The following KIF21A variants were observed in gnomAD, a reference collection of about 807,000 sequenced individuals.
The protein encoded by KIF21A is kinesin family member 21A.
KIF21A carries 114 observed loss-of-function variants against 202.9 expected under a neutral mutation model. The ratio of observed to expected loss-of-function variants is 0.56; its 90% confidence interval spans 0.48 to 0.66. The LOEUF (loss-of-function observed/expected upper bound fraction) is 0.66. Among genes scored for constraint, KIF21A ranks in the 30% least tolerant of loss-of-function variants. The pLI is 0.00. For missense variants in KIF21A, 1,677 were observed against 1,994.9 expected (o/e 0.84, Z 3.04); for synonymous variants, 667 against 670.8 (o/e 0.99, Z 0.09).
intron 1 of KIF21A, among the ~76,000 whole-genome samples, chr12:39,376,905 A>G (rs1950304955): frequency 6.6e-6 from 1 of 152,214 alleles, no homozygotes; most frequent in Non-Finnish European, 1.5e-5. Flanking sequence ...GAGGAATAAC[A>G]TACAACATGT....
chr12:39,429,317 T>A (rs1200653732), intron 1 of KIF21A, among the ~76,000 whole-genome samples: 1 of 152,178 alleles, frequency 6.6e-6, no homozygotes, highest in Non-Finnish European at 1.5e-5. Flanking sequence ...ATCATCTCAG[T>A]CTTAACTTTC....
intron 1 of KIF21A, among the ~76,000 whole-genome samples, chr12:39,374,971 C>T (rs1175266690): frequency 6.6e-6 from 1 of 152,172 alleles, no homozygotes; most frequent in African/African-American, 2.4e-5. Context: ...TTATTCCTAT[C>T]GTATAACAAA....
intron 1 of KIF21A, among the ~76,000 whole-genome samples, chr12:39,434,895 G>A (rs1295226314): frequency 6.6e-6 from 1 of 152,108 alleles, no homozygotes; most frequent in African/African-American, 2.4e-5. Context: ...ACTCCTAGCT[G>A]ACTTAGTAGT....
At chr12:39,335,893 A>G (rs1354363874) in intron 17 of KIF21A, among the ~76,000 whole-genome samples, 1 of 152,198 alleles carries the variant, frequency 6.6e-6, no homozygotes, top group African/African-American at 2.4e-5. Flanking sequence ...TGGACAAAAT[A>G]TCCGCTATCC....
chr12:39,351,646 T>C, intron 11 of KIF21A, 131 bp downstream of exon 11: 1 of 617,120 alleles, frequency 1.6e-6, no homozygotes, highest in Non-Finnish European at 2.8e-6. Context: ...ATAGTTGTAG[T>C]TTCAGCTAAC....
intron 16 of KIF21A, 60 bp downstream of exon 16, chr12:39,340,105 T>G: frequency 7.6e-7 from 1 of 1,315,776 alleles, no homozygotes; most frequent in Non-Finnish European, 1.1e-6. Context: ...GTTTATTTTT[T>G]GTCCCAAATG....
intron 37 of KIF21A, among the ~76,000 whole-genome samples, chr12:39,300,734 ATTTTACAGTCACATCT>A (rs1260417808): frequency 6.6e-6 from 1 of 152,046 alleles, no homozygotes; most frequent in Non-Finnish European, 1.5e-5. Context: ...ATAAACTGTC[ATTTTACAGTCACATCT>A]TTCTACCTCC....
chr12:39,333,254 T>C lies in KIF21A; in HGVS notation c.2445A>G (p.Gln815=), dbSNP rs1157024252. The C allele has an allele frequency of 6.8e-6, 11 of 1,613,074 alleles. No homozygotes were observed. Among genetic ancestry groups the C allele is most frequent in the South Asian group, 1.1e-5 (1 of 91,054 alleles). ...RDHQLRLLEA[Q]KRNQEVVLRR... Reference sequence around the variant, plus strand: ...GTAGAACCACTTCTTGGTTTCTTTTTTGGGCTTCCAGAAGTCTAAGTTGAT... The same window carrying C: ...GTAGAACCACTTCTTGGTTTCTTTTCTGGGCTTCCAGAAGTCTAAGTTGAT... Residue 815 remains glutamine (Q), a synonymous_variant, in exon 18 of 38, where the codon CAA becomes CAG. Transcript: ENST00000361418.
chr12:39,386,900 C>T (rs183894669), intron 1 of KIF21A, among the ~76,000 whole-genome samples: 35 of 152,102 alleles, frequency 2.3e-4, no homozygotes, highest in African/African-American at 8.4e-4. Flanking sequence ...AATCCTGGGA[C>T]CCTAACAGTT....
intron 37 of KIF21A, among the ~76,000 whole-genome samples, chr12:39,298,976 T>A (rs1280269858): frequency 6.6e-6 from 1 of 152,202 alleles, no homozygotes; most frequent in Non-Finnish European, 1.5e-5. Flanking sequence ...TCGCACATAG[T>A]AAGCACTATA....
chr12:39,323,141 G>A (rs538630841), intron 26 of KIF21A, among the ~76,000 whole-genome samples: 137 of 152,104 alleles, frequency 9.0e-4, no homozygotes, highest in African/African-American at 2.9e-3. Flanking sequence ...ATATTAGCAC[G>A]AGATAGGTAA....
intron 26 of KIF21A, 58 bp downstream of exon 26, chr12:39,325,781 T>C (rs1475058160): frequency 2.6e-6 from 3 of 1,172,798 alleles, no homozygotes; most frequent in Admixed American, 1.7e-5. Flanking sequence ...ATGTGTTAAA[T>C]AGTGATAACA....
chr12:39,338,773 C>G (rs975359114), intron 16 of KIF21A, among the ~76,000 whole-genome samples: 2 of 152,066 alleles, frequency 1.3e-5, no homozygotes, highest in African/African-American at 4.8e-5. Flanking sequence ...AGCATCATGT[C>G]TAAAAAAATA....
chr12:39,395,959 T>C (rs564171544), intron 1 of KIF21A, among the ~76,000 whole-genome samples: 60 of 151,988 alleles, frequency 3.9e-4, no homozygotes, highest in Non-Finnish European at 2.6e-4. Context: ...TACATGCTTA[T>C]CTAATTATGC....
intron 1 of KIF21A, among the ~76,000 whole-genome samples, chr12:39,379,329 A>C (rs1417111677): frequency 6.7e-6 from 1 of 150,216 alleles, no homozygotes; most frequent in Non-Finnish European, 1.5e-5. Context: ...CTCTGTCTAA[A>C]AAAAAAAAAA....
rs562162840 is a variant in KIF21A, at chr12:39,302,120, A to G, written c.4732-441T>C. Reference sequence around the variant, plus strand: ...AATATAGAGGCCTGAAGATTTATGCAGAAGACCAGAGATAATCTATATATT... The same window carrying G: ...AATATAGAGGCCTGAAGATTTATGCGGAAGACCAGAGATAATCTATATATT... On this transcript the variant is annotated intron_variant, in intron 36 of 37. Transcript: ENST00000361418. 3.9e-5 allele frequency among the ~76,000 whole-genome samples: 6 copies of G among 152,366 alleles called. No individual in the cohort carries two copies. In the South Asian group the frequency reaches 1.2e-3, roughly 32 times the overall value.
rs149909190 is a variant in KIF21A, at chr12:39,311,196, G to A, written c.4096+221C>T. 4.2e-3 allele frequency among the ~76,000 whole-genome samples: 633 copies of A among 152,012 alleles called. 3 individuals are homozygous for A. Among genetic ancestry groups the A allele is most frequent in the Non-Finnish European group, 6.1e-3 (412 of 67,864 alleles). On this transcript the variant is annotated intron_variant, in intron 32 of 37. Transcript: ENST00000361418. ...GCAGTACATGCCCAAATACTGTAGA[G>A]AGATGTATTCTGTCACCATTGTATT...
Position 39,367,852 on chromosome 12 carries a change from T to C in KIF21A, c.600+31A>G. On this transcript the variant is annotated intron_variant, in intron 4 of 37. Coordinates refer to ENST00000361418, the MANE Select transcript of KIF21A (RefSeq NM_001173464.2). ...CTCACTATTTAAATAAAGCCAACTATGCTCTGTTTTAACTATAATATAAAT... is the reference window on the plus strand; with the variant it reads ...CTCACTATTTAAATAAAGCCAACTACGCTCTGTTTTAACTATAATATAAAT... 1.9e-6 allele frequency: 3 copies of C among 1,569,388 alleles called. No homozygotes were observed. In the South Asian group the frequency reaches 3.4e-5, roughly 18 times the overall value.
At chr12:39,318,444 T>C (rs1312382026) in intron 28 of KIF21A, among the ~76,000 whole-genome samples, 1 of 152,116 alleles carries the variant, frequency 6.6e-6, no homozygotes, top group Non-Finnish European at 1.5e-5. Flanking sequence ...CAGAAGTCAG[T>C]ATAAGAATAA....
Sources: allele counts gnomAD v4.1 joint callset (sites outside exome capture counted in the v4.1 genomes callset), GRCh38; gene constraint gnomAD v4.1.1; transcripts MANE v1.5; gene names NCBI Gene and HGNC (gene_info 2026-07-23, HGNC 2026-07-21).